Variants in SCFD2 observed in about 807,000 individuals in gnomAD.
SCFD2 encodes the protein sec1 family domain containing 2.
SCFD2 carries 54 observed loss-of-function variants against 58.9 expected under a neutral mutation model. The observed-to-expected ratio is 0.92, with a 90% confidence interval of 0.74 to 1.15. The LOEUF (loss-of-function observed/expected upper bound fraction) is 1.15. Ranked by LOEUF, SCFD2 falls within the 50% of genes most tolerant of loss-of-function variation. The probability of loss-of-function intolerance (pLI) is 0.00; values close to 1 mark genes in which losing one functional copy is unlikely to be tolerated. For missense variants in SCFD2, 805 were observed against 836.6 expected, an observed-to-expected ratio of 0.96 and a Z score of 0.47; for synonymous variants, 321 against 335.9, an observed-to-expected ratio of 0.96 and a Z score of 0.49.
intron 5 of SCFD2, among the ~76,000 whole-genome samples, chr4:53,088,964 G>A (rs2148864711): frequency 6.6e-6 from 1 of 152,224 alleles, no homozygotes; most frequent in South Asian, 2.1e-4. Flanking sequence ...CCTTATGAAT[G>A]GAATTAGTGC....
intron 4 of SCFD2, among the ~76,000 whole-genome samples, chr4:53,152,195 C>A (rs1319018597): frequency 6.6e-6 from 1 of 151,348 alleles, no homozygotes; most frequent in East Asian, 1.9e-4. Context: ...AAACAAAACA[C>A]TTCAAAGAAT....
chr4:53,020,940 C>T (rs1348179890), intron 5 of SCFD2, among the ~76,000 whole-genome samples: 1 of 152,110 alleles, frequency 6.6e-6, no homozygotes, highest in Non-Finnish European at 1.5e-5. Context: ...GAAATTTTTG[C>T]CCCACATTCC....
intron 5 of SCFD2, among the ~76,000 whole-genome samples, chr4:52,962,799 A>G (rs1720881793): frequency 6.6e-6 from 1 of 152,218 alleles, no homozygotes; most frequent in African/African-American, 2.4e-5. Context: ...CTCCCAGATG[A>G]TGGAATCTGA....
In SCFD2 at chr4:52,873,997, T is replaced by G. The variant is rs1442493508; in HGVS notation, c.2027A>C (p.Asp676Ala). 8.1e-6 allele frequency: 13 copies of G among 1,614,068 alleles called. No homozygotes were observed. The highest frequency in any genetic ancestry group is 1.1e-5 in the Non-Finnish European group (13 of 1,179,956). The change falls in exon 9 of 9, where the codon GAC (aspartate) becomes GCC (alanine). Residue 676 changes from aspartate (D) to alanine (A), a missense_variant. Physicochemically the swap from Asp to Ala is moderately radical, Grantham distance 126. Around this residue, in one of 3 missense-constraint regions of SCFD2, gnomAD observed 633 missense variants for 646.8 expected, o/e 0.98. Coordinates refer to ENST00000401642, the MANE Select transcript of SCFD2 (RefSeq NM_152540.4). ...LNIPELLFATDRLHPDLGF is the reference protein window; with the variant it reads ...LNIPELLFATARLHPDLGF ...GAAGCCAAGGTCTGGATGCAGTCGG[T>G]CAGTTGCAAATAACAGCTCAGGAAT...
chr4:53,258,773 T>A (rs1246712164), intron 4 of SCFD2, among the ~76,000 whole-genome samples: 1 of 151,888 alleles, frequency 6.6e-6, no homozygotes, highest in Non-Finnish European at 1.5e-5. Context: ...AAATGGTAGA[T>A]CTACTTTTAG....
chr4:53,265,600 T>C (rs1443707406), intron 4 of SCFD2: 1 of 152,150 alleles, frequency 6.6e-6, no homozygotes, highest in Admixed American at 6.5e-5. Flanking sequence ...ATTTATTTGC[T>C]GTGTAATTTT....
chr4:53,179,202 A>C (rs1313774374), intron 4 of SCFD2, among the ~76,000 whole-genome samples: 1 of 152,224 alleles, frequency 6.6e-6, no homozygotes, highest in Non-Finnish European at 1.5e-5. Flanking sequence ...TAATTGTCAG[A>C]TTCACCAAAG....
intron 4 of SCFD2, among the ~76,000 whole-genome samples, chr4:53,198,594 ACT>A (rs1728129427): frequency 6.6e-6 from 1 of 151,646 alleles, no homozygotes; most frequent in African/African-American, 2.4e-5. Flanking sequence ...TATACATTAT[ACT>A]CTCTCTACTT....
At chr4:53,083,198 G>C (rs1447914847) in intron 5 of SCFD2, among the ~76,000 whole-genome samples, 5 of 152,090 alleles carry the variant, frequency 3.3e-5, no homozygotes, top group African/African-American at 1.2e-4. Flanking sequence ...TTCAAAAGCA[G>C]CTCTGGTGAG....
chr4:53,280,145 A>T (rs1319883293), intron 3 of SCFD2, among the ~76,000 whole-genome samples: 2 of 152,256 alleles, frequency 1.3e-5, no homozygotes, highest in Non-Finnish European at 2.9e-5. Flanking sequence ...TTTAAAGATT[A>T]TTCTATCATA....
intron 5 of SCFD2, among the ~76,000 whole-genome samples, chr4:53,134,250 A>G (rs1725873903): frequency 6.6e-6 from 1 of 152,182 alleles, no homozygotes; most frequent in Non-Finnish European, 1.5e-5. Context: ...AGTAGAACTT[A>G]TTCTACTTAT....
chr4:52,923,416 T>A lies in SCFD2; in HGVS notation c.1562-2546A>T, dbSNP rs142959832. 7.8e-3 allele frequency among the ~76,000 whole-genome samples: 1,189 copies of A among 151,960 alleles called. 12 individuals carry two copies. The highest frequency in any genetic ancestry group is 0.026 in the African/African-American group (1,058 of 41,402). On this transcript the variant is annotated intron_variant, in intron 5 of 8. Transcript: ENST00000401642. ...TTGCTTGAGCCCGGGAGTTGGAGGT[T>A]GCAGTGAGCTGAGATCGTGCCACAG...
intron 6 of SCFD2, among the ~76,000 whole-genome samples, chr4:52,914,011 C>G (rs1314112728): frequency 1.3e-5 from 2 of 152,226 alleles, no homozygotes; most frequent in Admixed American, 1.3e-4. Flanking sequence ...TTGATTGGAA[C>G]ATTAATGTAA....
intron 3 of SCFD2, among the ~76,000 whole-genome samples, chr4:53,290,450 T>C (rs1731802929): frequency 6.6e-6 from 1 of 152,128 alleles, no homozygotes; most frequent in South Asian, 2.1e-4. Context: ...AAAATGTATC[T>C]TACCCTATAG....
chr4:53,245,435 G>C (rs771985002), intron 4 of SCFD2, among the ~76,000 whole-genome samples: 34 of 152,080 alleles, frequency 2.2e-4, no homozygotes, highest in Non-Finnish European at 4.6e-4. Context: ...TATCCATGGA[G>C]TGCAAGGTTG....
At chr4:53,089,881 A>C (rs1724421673) in intron 5 of SCFD2, among the ~76,000 whole-genome samples, 1 of 152,218 alleles carries the variant, frequency 6.6e-6, no homozygotes, top group South Asian at 2.1e-4. Flanking sequence ...TAAGATGTGA[A>C]GTTATACAAA....
chr4:53,156,350 A>G (rs1158035851), intron 4 of SCFD2, among the ~76,000 whole-genome samples: 1 of 147,614 alleles, frequency 6.8e-6, no homozygotes, highest in Non-Finnish European at 1.5e-5. Context: ...AGTGAGCTGA[A>G]GATCATGCCA....
chr4:52,984,394 T>C (rs917879240), intron 5 of SCFD2, among the ~76,000 whole-genome samples: 1 of 152,222 alleles, frequency 6.6e-6, no homozygotes, highest in Non-Finnish European at 1.5e-5. Flanking sequence ...GCCATCATTG[T>C]CAAGGGTGTT....
At chr4:53,278,420 T>C (rs1173322868) in intron 3 of SCFD2, among the ~76,000 whole-genome samples, 14 of 149,642 alleles carry the variant, frequency 9.4e-5, no homozygotes, top group Non-Finnish European at 4.4e-5. Context: ...TGCTCACCTA[T>C]AGTCCCAGCT....
Sources: allele counts gnomAD v4.1 joint callset (sites outside exome capture counted in the v4.1 genomes callset), GRCh38; gene constraint gnomAD v4.1.1; regional missense constraint gnomAD v4.1.1; transcripts MANE v1.5; gene names NCBI Gene and HGNC (gene_info 2026-07-23, HGNC 2026-07-21).